The following CHIC1 variants were observed in gnomAD, a reference collection of about 807,000 sequenced individuals.
CHIC1 encodes cysteine-rich hydrophobic domain-containing protein 1.
Under a neutral mutation model 18.5 loss-of-function variants are expected in CHIC1, and 7 were observed. The ratio of observed to expected loss-of-function variants is 0.38; its 90% CI spans 0.22 to 0.71. CHIC1 has a LOEUF of 0.71. CHIC1 is among the 30% of genes least tolerant of loss of function. The pLI is 0.49. For synonymous variants in CHIC1, 77 were observed against 73.5 expected (o/e 1.05, Z -0.25); for missense variants, 159 against 176.9 (o/e 0.90, Z 0.57).
Position 73,681,072 on chromosome X carries a change from A to G in CHIC1, c.*67A>G. On this transcript the variant is annotated 3_prime_UTR_variant, in exon 6 of 6. Transcript: ENST00000373502. ...ACCCTTAGTGCCTTGTAGATTTGGA[A>G]TGAAGATGGTCTCCTTTGCTGTGTT... The G allele has an allele frequency of 1.6e-6, 1 of 615,694 alleles. No homozygotes were observed. The allele number at this position is 615,694 out of a possible 1,213,427, so 50.7% of individuals were successfully genotyped here.
chrX:73,610,948 T>A (rs1458652130), intron 3 of CHIC1, among the ~76,000 whole-genome samples: 1 of 108,058 alleles, frequency 9.3e-6, no homozygotes, highest in Non-Finnish European at 1.9e-5. Flanking sequence ...ATTTTGTTTT[T>A]TTTTTCTCTT....
At chrX:73,614,636 T>C (rs1169838627) in intron 3 of CHIC1, among the ~76,000 whole-genome samples, 4 of 110,243 alleles carry the variant, frequency 3.6e-5, no homozygotes, top group Non-Finnish European at 7.6e-5. Flanking sequence ...TTATTTCTTC[T>C]GCTTGAACTT....
At chrX:73,606,261 C>T (rs375116435) in intron 3 of CHIC1, among the ~76,000 whole-genome samples, 2 of 105,808 alleles carry the variant, frequency 1.9e-5, no homozygotes, top group African/African-American at 7.4e-5. Context: ...TCCTTTCTTC[C>T]GCTTGATTGA....
chrX:73,651,532 C>G (rs774726842), intron 3 of CHIC1, among the ~76,000 whole-genome samples: 13 of 111,239 alleles, frequency 1.2e-4, no homozygotes, highest in African/African-American at 3.9e-4. Flanking sequence ...TCAGCAAAGT[C>G]TCAGGATACA....
chrX:73,679,380 A>G lies in CHIC1; in HGVS notation c.562A>G (p.Lys188Glu). 9.0e-7 allele frequency: 1 copy of G among 1,105,468 alleles called. No individual in the cohort carries two copies. The highest frequency in any genetic ancestry group is 1.2e-6 in the Non-Finnish European group (1 of 803,318). 91.1% of individuals were successfully genotyped at this position (1,105,468 alleles called of 1,213,427 possible). A position where few individuals can be genotyped will look rare whatever the true frequency, so the allele number is the denominator to read the frequency against. The change falls in exon 4 of 6, where the codon AAG becomes GAG. Residue 188 changes from lysine (K) to glutamate (E), a missense_variant and splice_region_variant. Physicochemically the swap from Lys to Glu is moderately conservative, Grantham distance 56. Transcript: ENST00000373502. ...IEWENNRLYH[K>E]LALHWKLTKR... ...ATGGGAAAATAACAGATTATATCAC[A>G]AGGTAAGAAATTTTAAGCACATAAG...
At chrX:73,676,547 G>T (rs769049259) in intron 3 of CHIC1, among the ~76,000 whole-genome samples, 1 of 111,397 alleles carries the variant, frequency 9.0e-6, no homozygotes, top group African/African-American at 3.3e-5. Context: ...TTCTGCATTC[G>T]TCACGTAGCT....
At chrX:73,657,308 C>T (rs112907729) in intron 3 of CHIC1, among the ~76,000 whole-genome samples, 151 of 111,081 alleles carry the variant, frequency 1.4e-3, no homozygotes, top group African/African-American at 4.6e-3. Flanking sequence ...ATCCACCCGC[C>T]TCAGCCTCCC....
chrX:73,573,548 C>T (rs976684688), intron 1 of CHIC1, among the ~76,000 whole-genome samples: 10 of 111,025 alleles, frequency 9.0e-5, no homozygotes, highest in African/African-American at 3.3e-4. Flanking sequence ...TCTTCCAATC[C>T]GTAAGCGTGA....
At chrX:73,672,322 T>G (rs2058035740) in intron 3 of CHIC1, among the ~76,000 whole-genome samples, 1 of 111,735 alleles carries the variant, frequency 8.9e-6, no homozygotes, top group Non-Finnish European at 1.9e-5. Context: ...TTTCTAGTTC[T>G]AGATCCCTGA....
rs200325370 is a variant in CHIC1, at chrX:73,563,433, A to G, written c.149A>G (p.Glu50Gly). 1.1e-5 allele frequency: 13 copies of G among 1,150,095 alleles called. No homozygotes were observed. The Admixed American group carries it at 3.0e-4, about 26-fold the overall frequency. 94.8% of individuals were successfully genotyped at this position (1,150,095 alleles called of 1,213,427 possible). A position where few individuals can be genotyped will look rare whatever the true frequency, so the allele number is the denominator to read the frequency against. The change falls in exon 1 of 6, where the codon GAA becomes GGA. Residue 50 changes from glutamate to glycine, a missense_variant. By Grantham distance (98) the Glu-to-Gly change is moderately conservative (BLOSUM62 -2). Coordinates refer to ENST00000373502, the MANE Select transcript of CHIC1 (RefSeq NM_001039840.4). ...GPDDDEEDEE[E>G]EEEEEEEEEE... ...GACGATGACGAGGAGGATGAGGAGG[A>G]AGAGGAGGAAGAGGAGGAGGAGGAA...
chrX:73,659,396 A>G (rs1176198183), intron 3 of CHIC1, among the ~76,000 whole-genome samples: 1 of 31,376 alleles, frequency 3.2e-5, no homozygotes, highest in South Asian at 1.4e-3. Context: ...TTTTTTTTGC[A>G]TCAGGAATTT....
chrX:73,602,192 A>T (rs1011798371), intron 3 of CHIC1, among the ~76,000 whole-genome samples: 2 of 109,209 alleles, frequency 1.8e-5, no homozygotes, highest in Admixed American at 1.9e-4. Flanking sequence ...ATAGAAAAAG[A>T]GGGAATCCTC....
chrX:73,643,189 A>G (rs889871844), intron 3 of CHIC1, among the ~76,000 whole-genome samples: 2 of 111,586 alleles, frequency 1.8e-5, no homozygotes, highest in Non-Finnish European at 3.8e-5. Flanking sequence ...AATGTTGAAT[A>G]TTGGCCCCCA....
At chrX:73,641,787 C>T (rs747845365) in intron 3 of CHIC1, among the ~76,000 whole-genome samples, 28 of 109,908 alleles carry the variant, frequency 2.5e-4, no homozygotes, top group South Asian at 3.9e-4. Context: ...TTTGTTCTTG[C>T]GATGGTTTAC....
chrX:73,578,597 A>G (rs775126491), intron 2 of CHIC1: 22 of 110,515 alleles, frequency 2.0e-4, no homozygotes, highest in Non-Finnish European at 3.1e-4. Context: ...TGTAGTGTCA[A>G]TTATTCTCAT....
At chrX:73,600,116 A>C (rs1472524387) in intron 3 of CHIC1, among the ~76,000 whole-genome samples, 1 of 101,256 alleles carries the variant, frequency 9.9e-6, no homozygotes, top group Non-Finnish European at 2.0e-5. Flanking sequence ...GAGTTCACTC[A>C]TGATTTGGCT....
chrX:73,603,619 A>G (rs1360536476), intron 3 of CHIC1, among the ~76,000 whole-genome samples: 2 of 108,605 alleles, frequency 1.8e-5, no homozygotes, highest in East Asian at 5.7e-4. Context: ...CCCATTCAGT[A>G]TGATATCTGC....
rs1238644119 is a variant in CHIC1, at chrX:73,685,095, T to C, written c.*4090T>C. On this transcript the variant is annotated 3_prime_UTR_variant, in exon 6 of 6. Coordinates refer to ENST00000373502, the MANE Select transcript of CHIC1 (RefSeq NM_001039840.4). ...CTTAACATTCTGTGATTCAAGGAAT[T>C]CTTAGGACATTTTTACTCTATAGAA... The C allele has an allele frequency of 1.8e-5, 2 of 111,578 alleles. No individual in the cohort carries two copies. The highest frequency in any genetic ancestry group is 3.8e-5 in the Non-Finnish European group (2 of 52,911). The allele number at this position is 111,578 out of a possible 1,213,427, so 9.2% of individuals were successfully genotyped here.
chrX:73,581,144 A>C (rs1684992817), intron 2 of CHIC1, among the ~76,000 whole-genome samples: 1 of 110,305 alleles, frequency 9.1e-6, no homozygotes, highest in South Asian at 3.8e-4. Flanking sequence ...AAGCAATAAA[A>C]ACCGACCTTT....
Sources: gnomAD v4.1 joint callset for allele counts (sites outside exome capture counted in the v4.1 genomes callset) on GRCh38, gnomAD v4.1.1 for gene constraint, MANE v1.5 for transcripts, NCBI Gene and HGNC (gene_info 2026-07-23, HGNC 2026-07-21) for gene names.